Variants in PIGU observed in about 807,000 individuals in gnomAD.
The protein encoded by PIGU is GPI-anchor transamidase component PIGU.
PIGU carries 24 observed loss-of-function variants against 49.9 expected under a neutral mutation model. The ratio of observed to expected loss-of-function variants is 0.48; its 90% confidence interval spans 0.35 to 0.68. The LOEUF is 0.68. Ranked by LOEUF, PIGU falls within the 30% of genes least tolerant of loss-of-function variation. PIGU has a pLI of 0.01. For missense variants in PIGU, 490 were observed against 532.6 expected (o/e 0.92, Z 0.79); for synonymous variants, 220 against 205.7 (o/e 1.07, Z -0.59).
intron 6 of PIGU, among the ~76,000 whole-genome samples, chr20:34,618,207 T>C (rs1307579303): frequency 1.3e-5 from 2 of 152,248 alleles, no homozygotes; most frequent in Non-Finnish European, 2.9e-5. Context: ...TCACTGCATT[T>C]TTTAAACTTT....
intron 1 of PIGU, among the ~76,000 whole-genome samples, chr20:34,669,860 T>C (rs1001316590): frequency 1.3e-5 from 2 of 152,074 alleles, no homozygotes; most frequent in South Asian, 2.1e-4. Context: ...AAAGGGAACC[T>C]GGGACCCTAA....
intron 2 of PIGU, among the ~76,000 whole-genome samples, chr20:34,655,388 G>A (rs1986671590): frequency 8.4e-6 from 1 of 119,730 alleles, no homozygotes; most frequent in Admixed American, 1.1e-4. Context: ...AACGGAAAGG[G>A]CAGTGGGACG....
chr20:34,565,708 G>GAC (rs138862528), intron 11 of PIGU, among the ~76,000 whole-genome samples: 106,979 of 146,938 alleles, frequency 0.73, 38,877 homozygotes, highest in Admixed American at 0.82. Context: ...CACCTCTCTG[G>GAC]ACACACACAC....
At chr20:34,619,852 C>T (rs918668903) in intron 6 of PIGU, among the ~76,000 whole-genome samples, 5 of 152,204 alleles carry the variant, frequency 3.3e-5, no homozygotes, top group African/African-American at 1.2e-4. Flanking sequence ...ATCTGTTCCT[C>T]CTGCTATTCT....
At chr20:34,662,652 T>C (rs1986964953) in intron 1 of PIGU, among the ~76,000 whole-genome samples, 1 of 152,176 alleles carries the variant, frequency 6.6e-6, no homozygotes, top group African/African-American at 2.4e-5. Flanking sequence ...CCTCAGCTTT[T>C]CAAAATTGCA....
At chr20:34,657,637 C>G (rs1310489144) in intron 1 of PIGU, among the ~76,000 whole-genome samples, 2 of 152,124 alleles carry the variant, frequency 1.3e-5, no homozygotes, top group African/African-American at 2.4e-5. Flanking sequence ...TCATATGCTG[C>G]TCATTTGAGT....
At chr20:34,575,559 T>C (rs550462694) in intron 10 of PIGU, among the ~76,000 whole-genome samples, 1 of 152,160 alleles carries the variant, frequency 6.6e-6, no homozygotes, top group African/African-American at 2.4e-5. Context: ...TTCAGGAAGA[T>C]ATTCCCCTCA....
chr20:34,602,053 G>T (rs1021439781), intron 7 of PIGU, among the ~76,000 whole-genome samples: 1 of 152,160 alleles, frequency 6.6e-6, no homozygotes, highest in African/African-American at 2.4e-5. Context: ...AGGCCAAGGC[G>T]GGCAGATCAC....
At chr20:34,564,777 G>C (rs1328816762) in intron 11 of PIGU, among the ~76,000 whole-genome samples, 1 of 152,262 alleles carries the variant, frequency 6.6e-6, no homozygotes, top group African/African-American at 2.4e-5. Flanking sequence ...CCGCTGGTGG[G>C]TATGTATATG....
intron 7 of PIGU, among the ~76,000 whole-genome samples, chr20:34,608,162 C>T (rs1428555479): frequency 6.7e-6 from 1 of 150,200 alleles, no homozygotes; most frequent in Non-Finnish European, 1.5e-5. Context: ...GCAACCTCTG[C>T]CTCCCAGGTT....
chr20:34,645,207 A>G (rs1046567582), intron 3 of PIGU, 68 bp downstream of exon 3: 2 of 1,322,538 alleles, frequency 1.5e-6, no homozygotes, highest in Admixed American at 3.3e-5. Flanking sequence ...AAAAAAAGAG[A>G]GAGAGAGACA....
chr20:34,627,515 C>T (rs966451409), intron 6 of PIGU, among the ~76,000 whole-genome samples: 1 of 151,542 alleles, frequency 6.6e-6, no homozygotes, highest in East Asian at 1.9e-4. Context: ...AACTTACTTA[C>T]ATGTTTTTCT....
At chr20:34,659,117 A>G (rs1986827223) in intron 1 of PIGU, among the ~76,000 whole-genome samples, 5 of 126,456 alleles carry the variant, frequency 4.0e-5, no homozygotes, top group Admixed American at 1.6e-4. Context: ...CCCGTCCGGG[A>G]GGTGAGGGGC....
chr20:34,563,740 G>GT (rs879766746), intron 11 of PIGU, among the ~76,000 whole-genome samples: 5 of 152,030 alleles, frequency 3.3e-5, no homozygotes, highest in Non-Finnish European at 7.4e-5. Context: ...TAAGCCTAGG[G>GT]GGGTCTAGAC....
chr20:34,650,094 C>T (rs1203685044), intron 2 of PIGU, among the ~76,000 whole-genome samples: 1 of 151,798 alleles, frequency 6.6e-6, no homozygotes, highest in Non-Finnish European at 1.5e-5. Context: ...GTGATCCGCC[C>T]GCCTCGGCCT....
At chr20:34,644,298 T>G (rs1986264147) in intron 3 of PIGU, 72 bp from the exon 4 acceptor site, 43 of 1,304,878 alleles carry the variant, frequency 3.3e-5, no homozygotes, top group Non-Finnish European at 4.6e-5. Context: ...CTACCAGGGC[T>G]TGGAGTTTTG....
chr20:34,577,807 T>G (rs879162575), intron 10 of PIGU, among the ~76,000 whole-genome samples: 1 of 152,100 alleles, frequency 6.6e-6, no homozygotes, highest in African/African-American at 2.4e-5. Context: ...GGTTCAGGCA[T>G]CCATATGAGG....
At chr20:34,574,876 T>C (rs893875217) in intron 11 of PIGU, among the ~76,000 whole-genome samples, 2 of 152,222 alleles carry the variant, frequency 1.3e-5, no homozygotes, top group African/African-American at 4.8e-5. Flanking sequence ...TTGCTGAGAA[T>C]ACAGCATGGC....
chr20:34,656,533 C>T (rs71337959), intron 2 of PIGU, among the ~76,000 whole-genome samples: 1 of 149,284 alleles, frequency 6.7e-6, no homozygotes, highest in Non-Finnish European at 1.5e-5. Context: ...CCGCCCACTT[C>T]GGCCTCCCAA....
Sources: allele counts gnomAD v4.1 joint callset (sites outside exome capture counted in the v4.1 genomes callset), GRCh38; gene constraint gnomAD v4.1.1; transcripts MANE v1.5; gene names NCBI Gene and HGNC (gene_info 2026-07-23, HGNC 2026-07-21).